Variants in TMEM132E observed in about 807,000 individuals in gnomAD.
TMEM132E encodes transmembrane protein 132E.
A neutral mutation model predicts 78.5 loss-of-function variants in TMEM132E; 49 were observed. The ratio of observed to expected loss-of-function variants is 0.62; its 90% CI spans 0.50 to 0.79. The LOEUF (loss-of-function observed/expected upper bound fraction) is 0.79. Ranked by LOEUF, TMEM132E falls within the 30% of genes least tolerant of loss-of-function variation. TMEM132E has a pLI of 0.00. For missense variants in TMEM132E, 1,403 were observed against 1,470.9 expected (o/e 0.95, Z 0.75); for synonymous variants, 715 against 670.6 (o/e 1.07, Z -1.02).
chr17:34,598,232 G>A (rs1473907235), intron 1 of TMEM132E, among the ~76,000 whole-genome samples: 2 of 152,178 alleles, frequency 1.3e-5, no homozygotes, highest in Non-Finnish European at 2.9e-5. Context: ...CTGGCAAGTT[G>A]TTGGTGAATT....
chr17:34,616,484 C>T (rs1179517055), intron 1 of TMEM132E, among the ~76,000 whole-genome samples: 1 of 152,210 alleles, frequency 6.6e-6, no homozygotes, highest in Non-Finnish European at 1.5e-5. Flanking sequence ...TATTCCCCGG[C>T]TACATGTCCT....
At chr17:34,627,467 C>CGTGTGTGCGTGCGCGCGCGCGCGCGTGT (rs1555564416) in intron 2 of TMEM132E, among the ~76,000 whole-genome samples, 4 of 126,540 alleles carry the variant, frequency 3.2e-5, no homozygotes, top group African/African-American at 1.2e-4. Flanking sequence ...CCAAAAGAAT[C>CGTGTGTGCGTGCGCGCGCGCGCGCGTGT]GTGTGTGTGT....
chr17:34,613,209 A>ACGCGTGCG (rs1383529235), intron 1 of TMEM132E, among the ~76,000 whole-genome samples: 1 of 63,514 alleles, frequency 1.6e-5, no homozygotes. Flanking sequence ...ACACACACAC[A>ACGCGTGCG]CACGCGCGCG....
Position 34,629,175 on chromosome 17 carries a change from G to A in TMEM132E, c.1309G>A (p.Asp437Asn), listed in dbSNP as rs1204451336. The A allele has an allele frequency of 3.1e-6, 5 of 1,614,022 alleles. No individual in the cohort carries two copies. The South Asian group carries it at 5.5e-5, about 18-fold the overall frequency. The stretch of plus-strand genomic sequence containing the variant: ...CACTGAGCTGACGGTCATTCAGCGG[G>A]ATGTGCAAGCCATCCTGCCCCTGGC... ...AVTELTVIQRDVQAILPLAMD... is the reference protein window; with the variant it reads ...AVTELTVIQRNVQAILPLAMD... The change falls in exon 4 of 9, where the codon GAT (aspartate) becomes AAT (asparagine). Residue 437 changes from aspartate to asparagine, a missense_variant. Coordinates refer to ENST00000631683, the MANE Select transcript of TMEM132E (RefSeq NM_001304438.2).
intron 1 of TMEM132E, among the ~76,000 whole-genome samples, chr17:34,582,266 G>A (rs965382742): frequency 6.6e-6 from 1 of 152,084 alleles, no homozygotes; most frequent in Non-Finnish European, 1.5e-5. Flanking sequence ...GAGCGCCCTC[G>A]GTGTGCCGGG....
intron 1 of TMEM132E, among the ~76,000 whole-genome samples, chr17:34,613,211 ACGCGCG>A (rs1555563343): frequency 7.8e-5 from 9 of 115,976 alleles, no homozygotes; most frequent in South Asian, 6.8e-4. Flanking sequence ...ACACACACAC[ACGCGCG>A]CGCGCGCGCG....
At chr17:34,600,771 A>T (rs1038749545) in intron 1 of TMEM132E, among the ~76,000 whole-genome samples, 1 of 152,160 alleles carries the variant, frequency 6.6e-6, no homozygotes, top group Non-Finnish European at 1.5e-5. Context: ...GGCACCTTGC[A>T]CGTGGCCTTT....
chr17:34,613,095 C>CCCAAAGCCCAGCT (rs1464650351), intron 1 of TMEM132E, among the ~76,000 whole-genome samples: 1 of 151,024 alleles, frequency 6.6e-6, no homozygotes, highest in Non-Finnish European at 1.5e-5. Context: ...AGCCTCCCCT[C>CCCAAAGCCCAGCT]CCAAAGCCCA....
chr17:34,621,012 G>A (rs1906942729), intron 1 of TMEM132E, among the ~76,000 whole-genome samples: 1 of 152,214 alleles, frequency 6.6e-6, no homozygotes, highest in African/African-American at 2.4e-5. Flanking sequence ...TCTGGCAGGG[G>A]TCGGGGAGGC....
intron 3 of TMEM132E, 56 bp from the exon 4 acceptor site, chr17:34,628,956 C>A: frequency 6.7e-7 from 1 of 1,503,338 alleles, no homozygotes; most frequent in Non-Finnish European, 8.9e-7. Context: ...TTCTGAGCTC[C>A]TGGGCTGCTC....
chr17:34,595,235 G>A (rs1442697326), intron 1 of TMEM132E, among the ~76,000 whole-genome samples: 1 of 152,242 alleles, frequency 6.6e-6, no homozygotes, highest in Non-Finnish European at 1.5e-5. Flanking sequence ...AGCTCTGACA[G>A]CAACCTGATA....
intron 1 of TMEM132E, among the ~76,000 whole-genome samples, chr17:34,603,002 T>A (rs780951764): frequency 2.0e-5 from 3 of 151,970 alleles, no homozygotes; most frequent in Non-Finnish European, 4.4e-5. Flanking sequence ...GGCTAGGAGG[T>A]GGCATTGCCT....
At chr17:34,615,854 C>G (rs758779087) in intron 1 of TMEM132E, among the ~76,000 whole-genome samples, 1 of 151,942 alleles carries the variant, frequency 6.6e-6, no homozygotes, top group Non-Finnish European at 1.5e-5. Context: ...TAATAACACT[C>G]AGAGAACAGC....
chr17:34,593,705 C>T (rs1905959331), intron 1 of TMEM132E, among the ~76,000 whole-genome samples: 1 of 152,254 alleles, frequency 6.6e-6, no homozygotes, highest in South Asian at 2.1e-4. Context: ...AGGCAGCTTC[C>T]AGCTGCCTCC....
At position 34,638,080 on chromosome 17, in the gene TMEM132E, G is replaced by A; in HGVS notation, c.3073G>A (p.Glu1025Lys). The change falls in exon 9 of 9, where the codon GAG becomes AAG. Residue 1025 changes from glutamate (E) to lysine (K), a missense_variant. Glu to Lys is a moderately conservative substitution (Grantham distance 56). This residue lies in a region of TMEM132E where 888 missense variants were observed against 952.8 expected (regional missense o/e 0.93). Transcript: ENST00000631683. The stretch of plus-strand genomic sequence containing the variant: ...CACCTTCACCACGCTGCCGTCAGAG[G>A]AGCTGGCCTATGACTCGGTGCCCGC... ...FTTFTTLPSE[E>K]LAYDSVPAGE... 2 of 1,589,434 alleles carry A rather than the reference G, an allele frequency of 1.3e-6. No individual in the cohort carries two copies. Among genetic ancestry groups the A allele is most frequent in the Non-Finnish European group, 1.7e-6 (2 of 1,167,942 alleles).
At chr17:34,606,398 T>C (rs760160010) in intron 1 of TMEM132E, among the ~76,000 whole-genome samples, 1 of 152,210 alleles carries the variant, frequency 6.6e-6, no homozygotes, top group Non-Finnish European at 1.5e-5. Context: ...TTCAGTCTAC[T>C]ACACAGGAAG....
In TMEM132E at chr17:34,629,329, T is replaced by C; in HGVS notation, c.1338+125T>C. The C allele has an allele frequency of 2.7e-6, 3 of 1,097,636 alleles. No homozygotes were observed. In the South Asian group the frequency reaches 4.8e-5, roughly 18 times the overall value. 68.0% of individuals were successfully genotyped at this position (1,097,636 alleles called of 1,614,324 possible). ...ACATGTGTGTATATGTGAGACTTCC[T>C]GCCATGCCCAGGTATGCCTGTGTGA... On this transcript the variant is annotated intron_variant, in intron 4 of 8. Coordinates refer to ENST00000631683, the MANE Select transcript of TMEM132E (RefSeq NM_001304438.2).
At chr17:34,599,966 G>A (rs1206923110) in intron 1 of TMEM132E, among the ~76,000 whole-genome samples, 1 of 152,222 alleles carries the variant, frequency 6.6e-6, no homozygotes, top group African/African-American at 2.4e-5. Flanking sequence ...CCTGATGCTG[G>A]GGGCCCTGGT....
In TMEM132E at chr17:34,632,901, C is replaced by T. The variant is rs1471522129; in HGVS notation, c.1680C>T (p.Pro560=). ...AGGGCTGGAGGGTACCTATCCTCCC[C>T]GACCGGAGGTACAGCCCCTCTCCCA... is the stretch of plus-strand genomic sequence containing the variant. ...QVKGWRVPIL[P]DRRSVRESED... Residue 560 remains proline (P), a synonymous_variant, in exon 6 of 9, where the codon CCC becomes CCT. Coordinates refer to ENST00000631683, the MANE Select transcript of TMEM132E (RefSeq NM_001304438.2). 1 of 1,614,052 alleles carries T rather than the reference C, an allele frequency of 6.2e-7. No homozygotes were observed. The highest frequency in any genetic ancestry group is 1.1e-5 in the South Asian group (1 of 91,072).
Sources: allele counts gnomAD v4.1 joint callset (sites outside exome capture counted in the v4.1 genomes callset), GRCh38; gene constraint gnomAD v4.1.1; regional missense constraint gnomAD v4.1.1; transcripts MANE v1.5; gene names NCBI Gene and HGNC (gene_info 2026-07-23, HGNC 2026-07-21).